The following CHL1 variants were observed in gnomAD, a reference collection of about 807,000 sequenced individuals.
The protein encoded by CHL1 is neural cell adhesion molecule L1-like protein.
CHL1 carries 96 observed loss-of-function variants against 141.9 expected under a neutral mutation model. The observed-to-expected ratio is 0.68, with a 90% CI of 0.57 to 0.80. CHL1 has a LOEUF of 0.80. Among genes scored for constraint, CHL1 ranks in the 30% least tolerant of loss-of-function variants. The probability of loss-of-function intolerance (pLI) is 0.00; values close to 1 mark genes in which losing one functional copy is unlikely to be tolerated. For synonymous variants in CHL1, 613 were observed against 502.2 expected (o/e 1.22, Z -2.95); for missense variants, 1,820 against 1,457.2 (o/e 1.25, Z -4.05).
Position 379,379 on chromosome 3 carries a change from G to A in CHL1, c.1876+1437G>A, listed in dbSNP as rs183845564. Among the ~76,000 whole-genome samples the A allele has an allele frequency of 3.7e-4, 57 of 152,234 alleles. 1 individual carries two copies. The highest frequency in any genetic ancestry group is 1.3e-3 in the African/African-American group (55 of 41,522). ...ATTGTACCTTTAGGCAGAATGTTTG[G>A]CCATTGGGTATTTGAGCATTTTCAG... On this transcript the variant is annotated intron_variant, in intron 16 of 27. Coordinates refer to ENST00000256509, the MANE Select transcript of CHL1 (RefSeq NM_006614.4).
intron 14 of CHL1, among the ~76,000 whole-genome samples, chr3:364,569 A>G (rs1219555284): frequency 1.3e-5 from 2 of 152,326 alleles, no homozygotes; most frequent in East Asian, 3.9e-4. Flanking sequence ...GAAAGTTTCA[A>G]TATGCTGTAG....
At chr3:208,657 A>G (rs552266078) in intron 1 of CHL1, among the ~76,000 whole-genome samples, 1 of 152,326 alleles carries the variant, frequency 6.6e-6, no homozygotes, top group South Asian at 2.1e-4. Flanking sequence ...ATATGGTACC[A>G]TTAATGAAAC....
intron 1 of CHL1, among the ~76,000 whole-genome samples, chr3:230,609 A>G (rs1701774284): frequency 6.6e-6 from 1 of 152,094 alleles, no homozygotes; most frequent in South Asian, 2.1e-4. Flanking sequence ...CTTGTTATGT[A>G]TGACACTAAG....
At chr3:267,705 T>C (rs1479286690) in intron 2 of CHL1, among the ~76,000 whole-genome samples, 1 of 152,148 alleles carries the variant, frequency 6.6e-6, no homozygotes, top group Non-Finnish European at 1.5e-5. Flanking sequence ...TCATTGATGC[T>C]CTCCACTAAA....
intron 16 of CHL1, among the ~76,000 whole-genome samples, chr3:378,295 C>A (rs1198441393): frequency 6.6e-6 from 1 of 152,108 alleles, no homozygotes; most frequent in East Asian, 1.9e-4. Context: ...GTGGGCTAGA[C>A]TGGAGGATCT....
intron 2 of CHL1, among the ~76,000 whole-genome samples, chr3:270,558 C>T (rs976977860): frequency 5.3e-5 from 8 of 152,230 alleles, no homozygotes; most frequent in South Asian, 2.1e-4. Flanking sequence ...TTGAAGTTTC[C>T]GTTGAACCAA....
At chr3:376,943 G>A (rs1037726315) in intron 15 of CHL1, among the ~76,000 whole-genome samples, 1 of 152,070 alleles carries the variant, frequency 6.6e-6, no homozygotes, top group Admixed American at 6.6e-5. Flanking sequence ...TTTAAAGTAG[G>A]TTTATATAAT....
chr3:340,850 C>G lies in CHL1; in HGVS notation c.442C>G (p.Pro148Ala). The G allele has an allele frequency of 1.9e-6, 3 of 1,611,698 alleles. No homozygotes were observed. Among genetic ancestry groups the G allele is most frequent in the Non-Finnish European group, 2.5e-6 (3 of 1,178,004 alleles). ...CCCTCTTGAAGTGGAGGAGGGAGAT[C>G]CAATTGTCCTCCCATGCAATCCTCC... ...IDPLEVEEGD[P>A]IVLPCNPPKG... Residue 148 changes from proline to alanine, a missense_variant, in exon 6 of 28, where the codon CCA (proline) becomes GCA (alanine). Transcript: ENST00000256509.
intron 1 of CHL1, chr3:197,632 G>GC (rs1346394513): frequency 1.4e-5 from 5 of 366,896 alleles, no homozygotes; most frequent in South Asian, 8.0e-5. Flanking sequence ...TCCCAGCCCG[G>GC]GGGGGGTTCC....
chr3:380,265 A>G (rs1706873729), intron 16 of CHL1, among the ~76,000 whole-genome samples: 1 of 152,300 alleles, frequency 6.6e-6, no homozygotes, highest in South Asian at 2.1e-4. Context: ...TTTAAAAAAC[A>G]TGTTCTCTCT....
At chr3:239,595 A>ATATATATATATATTTAT (rs5845955) in intron 1 of CHL1, among the ~76,000 whole-genome samples, 1 of 146,242 alleles carries the variant, frequency 6.8e-6, no homozygotes, top group African/African-American at 2.5e-5. Context: ...GTATATATAT[A>ATATATATATATATTTAT]AAATATATAT....
At chr3:270,494 G>A (rs6795631) in intron 2 of CHL1, among the ~76,000 whole-genome samples, 37,170 of 152,084 alleles carry the variant, frequency 0.24, 4,672 homozygotes, top group Middle Eastern at 0.31. Flanking sequence ...GATCCCAGGT[G>A]TAGGCAGAAA....
At chr3:327,557 A>T (rs1228221660) in intron 4 of CHL1, among the ~76,000 whole-genome samples, 1 of 152,050 alleles carries the variant, frequency 6.6e-6, no homozygotes, top group Non-Finnish European at 1.5e-5. Flanking sequence ...ATAAATATAT[A>T]GGGTTGTTTC....
chr3:403,590 A>T lies in CHL1; in HGVS notation c.3458+1892A>T, dbSNP rs138165005. The stretch of plus-strand genomic sequence containing the variant: ...CAAACAAACAAACAAGCAAAAAAAA[A>T]TTTTGAAAGACAATATTAGCTCAAT... On this transcript the variant is annotated intron_variant, in intron 27 of 27. Transcript: ENST00000256509. 2.1e-3 allele frequency among the ~76,000 whole-genome samples: 313 copies of T among 152,230 alleles called. 2 individuals carry two copies. The highest frequency in any genetic ancestry group is 7.0e-3 in the African/African-American group (291 of 41,544).
chr3:252,688 A>G (rs534802556), intron 2 of CHL1, among the ~76,000 whole-genome samples: 4 of 151,988 alleles, frequency 2.6e-5, no homozygotes, highest in African/African-American at 7.2e-5. Flanking sequence ...AACCTACCCA[A>G]TCAAATGAAA....
At chr3:234,666 TACTC>T (rs1311908657) in intron 1 of CHL1, among the ~76,000 whole-genome samples, 3 of 151,910 alleles carry the variant, frequency 2.0e-5, no homozygotes, top group African/African-American at 7.3e-5. Context: ...CTTGAGCAAA[TACTC>T]AGTCCAAAGC....
intron 13 of CHL1, among the ~76,000 whole-genome samples, chr3:362,134 T>C (rs1408127576): frequency 6.6e-6 from 1 of 152,216 alleles, no homozygotes; most frequent in Non-Finnish European, 1.5e-5. Context: ...CATGTTTTAC[T>C]CTATTGTTGT....
chr3:357,386 G>T (rs1703814293), intron 11 of CHL1, among the ~76,000 whole-genome samples: 1 of 152,124 alleles, frequency 6.6e-6, no homozygotes, highest in Non-Finnish European at 1.5e-5. Context: ...TTGATTATCG[G>T]ACTAACCCTT....
chr3:389,505 G>A lies in CHL1; in HGVS notation c.2470+31G>A, dbSNP rs369471414. ...TGATGCACCTAAAACTGCTAAGCAC[G>A]TCAGTAACTGTTGCTTTCAAATATA... On this transcript the variant is annotated intron_variant, in intron 20 of 27. Transcript: ENST00000256509. 52 of 1,502,036 alleles carry A rather than the reference G, an allele frequency of 3.5e-5. No individual in the cohort carries two copies. In the South Asian group the frequency reaches 4.1e-4, roughly 12 times the overall value. 93.0% of individuals were successfully genotyped at this position (1,502,036 alleles called of 1,614,324 possible).
Sources: gnomAD v4.1 joint callset for allele counts (sites outside exome capture counted in the v4.1 genomes callset) on GRCh38, gnomAD v4.1.1 for gene constraint, MANE v1.5 for transcripts, NCBI Gene and HGNC (gene_info 2026-07-23, HGNC 2026-07-21) for gene names.